The following RAP1A variants were observed in gnomAD, a reference collection of about 807,000 sequenced individuals.
The protein encoded by RAP1A is RAP1A, member of RAS oncogene family.
In RAP1A, 6 loss-of-function variants were observed where a neutral mutation model predicts 26.4. That is an observed-to-expected ratio of 0.23 (90% CI 0.12 to 0.45). The LOEUF is 0.45. Among genes scored for constraint, RAP1A ranks in the 20% least tolerant of loss-of-function variants. RAP1A has a pLI of 0.99. For missense variants in RAP1A, 121 were observed against 217.2 expected, an observed-to-expected ratio of 0.56 and a Z score of 2.78; for synonymous variants, 73 against 79.4, an observed-to-expected ratio of 0.92 and a Z score of 0.43.
chr1:111,558,304 A>C (rs1370429640), intron 1 of RAP1A, among the ~76,000 whole-genome samples: 3 of 151,724 alleles, frequency 2.0e-5, no homozygotes, highest in Non-Finnish European at 4.4e-5. Context: ...CAGTTCCCTG[A>C]GTAGCGAGGA....
chr1:111,645,910 A>G (rs1660050736), intron 1 of RAP1A, among the ~76,000 whole-genome samples: 1 of 152,242 alleles, frequency 6.6e-6, no homozygotes, highest in Non-Finnish European at 1.5e-5. Context: ...GTGGGAGAAG[A>G]TGAAGGACTT....
At chr1:111,681,915 C>T (rs145357821) in intron 1 of RAP1A, among the ~76,000 whole-genome samples, 459 of 152,098 alleles carry the variant, frequency 3.0e-3, no homozygotes, top group African/African-American at 0.01. Flanking sequence ...AAGGTTGAAA[C>T]GAAGGAAAAA....
chr1:111,660,206 G>A (rs1192575389), intron 1 of RAP1A, among the ~76,000 whole-genome samples: 2 of 152,092 alleles, frequency 1.3e-5, no homozygotes, highest in African/African-American at 4.8e-5. Context: ...TTTTTTCTGG[G>A]AACACTTTAA....
intron 1 of RAP1A, chr1:111,563,802 C>A (rs1174221377): frequency 6.6e-7 from 1 of 1,523,608 alleles, no homozygotes; most frequent in Non-Finnish European, 9.0e-7. Flanking sequence ...GACTCAGACC[C>A]CAACCTCTGC....
At chr1:111,695,140 A>G (rs919776352) in intron 2 of RAP1A, among the ~76,000 whole-genome samples, 4 of 152,190 alleles carry the variant, frequency 2.6e-5, no homozygotes, top group African/African-American at 4.8e-5. Flanking sequence ...AGTTTTTAAC[A>G]TGACTACCTC....
At chr1:111,561,649 TC>T (rs1216922548) in intron 1 of RAP1A, among the ~76,000 whole-genome samples, 1 of 152,210 alleles carries the variant, frequency 6.6e-6, no homozygotes, top group Non-Finnish European at 1.5e-5. Context: ...TACTCTTCTC[TC>T]CTACTGCTCA....
chr1:111,613,208 C>CT (rs898208035), intron 1 of RAP1A, among the ~76,000 whole-genome samples: 431 of 129,932 alleles, frequency 3.3e-3, no homozygotes, highest in African/African-American at 0.012. Flanking sequence ...TTTTCTTTTT[C>CT]TTTTTTTTTG....
chr1:111,664,362 A>T (rs1430163915), intron 1 of RAP1A, among the ~76,000 whole-genome samples: 1 of 121,390 alleles, frequency 8.2e-6, no homozygotes, highest in Non-Finnish European at 1.6e-5. Flanking sequence ...CAACAAAGTG[A>T]GACTCCGTCT....
intron 1 of RAP1A, among the ~76,000 whole-genome samples, chr1:111,579,833 A>C (rs1171402898): frequency 3.3e-5 from 5 of 149,994 alleles, no homozygotes; most frequent in African/African-American, 1.2e-4. Context: ...TTTATTTGAG[A>C]TAGTCCTGCT....
chr1:111,566,414 C>T lies in RAP1A; in HGVS notation c.-28+23905C>T, dbSNP rs572076401. 1.1e-3 allele frequency among the ~76,000 whole-genome samples: 163 copies of T among 152,224 alleles called. 1 individual carries two copies. Among genetic ancestry groups the T allele is most frequent in the African/African-American group, 3.7e-3 (155 of 41,530 alleles). On this transcript the variant is annotated intron_variant, in intron 1 of 7. Transcript: ENST00000356415. ...ATGGCTTAAAGATCAGTCCCTAACACTGTAGGCTCTGAGGAGCAAATGACT... is the reference window on the plus strand; with the variant it reads ...ATGGCTTAAAGATCAGTCCCTAACATTGTAGGCTCTGAGGAGCAAATGACT...
At chr1:111,591,650 C>G (rs1225056353) in intron 1 of RAP1A, among the ~76,000 whole-genome samples, 1 of 152,070 alleles carries the variant, frequency 6.6e-6, no homozygotes, top group Non-Finnish European at 1.5e-5. Context: ...TTTTTAAAAA[C>G]CGATCAGATA....
chr1:111,697,308 C>G, intron 3 of RAP1A, 133 bp from the exon 4 acceptor site: 9 of 1,515,054 alleles, frequency 5.9e-6, no homozygotes, highest in Non-Finnish European at 7.9e-6. Context: ...AAGTTTACCC[C>G]CAGCCATTAC....
intron 6 of RAP1A, among the ~76,000 whole-genome samples, chr1:111,705,138 G>A (rs1662148289): frequency 6.6e-6 from 1 of 152,126 alleles, no homozygotes; most frequent in Admixed American, 6.5e-5. Context: ...AGTTTACTGG[G>A]CCCCTAAAAA....
chr1:111,577,053 G>C (rs1658159996), intron 1 of RAP1A, among the ~76,000 whole-genome samples: 1 of 152,108 alleles, frequency 6.6e-6, no homozygotes, highest in South Asian at 2.1e-4. Flanking sequence ...CAAATACTTG[G>C]GGATGTTTAT....
At chr1:111,625,175 C>G (rs1175860584) in intron 1 of RAP1A, among the ~76,000 whole-genome samples, 1 of 152,144 alleles carries the variant, frequency 6.6e-6, no homozygotes, top group Admixed American at 6.5e-5. Context: ...AGTGCCTTAC[C>G]TTGAACACCT....
intron 6 of RAP1A, 59 bp downstream of exon 6, chr1:111,704,545 C>T: frequency 1.4e-6 from 2 of 1,479,574 alleles, no homozygotes; most frequent in South Asian, 2.8e-5. Context: ...TTTAAGTTAA[C>T]AGCCAGACTT....
intron 1 of RAP1A, among the ~76,000 whole-genome samples, chr1:111,610,839 C>A (rs960223880): frequency 2.6e-5 from 4 of 152,186 alleles, no homozygotes; most frequent in Admixed American, 6.5e-5. Flanking sequence ...CTTTGAAAAC[C>A]AGTACTCTAT....
intron 1 of RAP1A, among the ~76,000 whole-genome samples, chr1:111,674,356 ACT>A (rs1389033517): frequency 6.6e-6 from 1 of 151,152 alleles, no homozygotes; most frequent in Non-Finnish European, 1.5e-5. Context: ...CCCACACAAA[ACT>A]CTCCCACCTC....
At chr1:111,549,339 T>C (rs1327196629) in intron 1 of RAP1A, among the ~76,000 whole-genome samples, 11 of 150,862 alleles carry the variant, frequency 7.3e-5, no homozygotes, top group African/African-American at 2.0e-4. Context: ...GTCTTTTTCC[T>C]TTTTTTCCCC....
Sources: allele counts gnomAD v4.1 joint callset (sites outside exome capture counted in the v4.1 genomes callset), GRCh38; gene constraint gnomAD v4.1.1; transcripts MANE v1.5; gene names NCBI Gene and HGNC (gene_info 2026-07-23, HGNC 2026-07-21).